Variants in CAMK1D observed in about 807,000 individuals in gnomAD.
The protein encoded by CAMK1D is calcium/calmodulin dependent protein kinase ID.
CAMK1D carries 9 observed loss-of-function variants against 47.7 expected under a neutral mutation model. The ratio of observed to expected loss-of-function variants is 0.19; its 90% CI spans 0.11 to 0.33. CAMK1D has a LOEUF of 0.33. CAMK1D is among the 10% of genes least tolerant of loss of function. The pLI is 1.00. For missense variants in CAMK1D, 291 were observed against 488.7 expected, an observed-to-expected ratio of 0.60 and a Z score of 3.81; for synonymous variants, 184 against 184.9, an observed-to-expected ratio of 0.99 and a Z score of 0.04.
At chr10:12,797,979 C>G (rs1838266000) in intron 6 of CAMK1D, among the ~76,000 whole-genome samples, 1 of 152,112 alleles carries the variant, frequency 6.6e-6, no homozygotes, top group Non-Finnish European at 1.5e-5. Flanking sequence ...GGAAATCGGG[C>G]TTTTAGATGG....
chr10:12,581,138 GT>G (rs1355310022), intron 2 of CAMK1D, among the ~76,000 whole-genome samples: 3 of 152,094 alleles, frequency 2.0e-5, no homozygotes, highest in Non-Finnish European at 4.4e-5. Context: ...AACATACGAT[GT>G]TTGGTTTTCC....
intron 1 of CAMK1D, among the ~76,000 whole-genome samples, chr10:12,350,772 CAG>C (rs1364534563): frequency 6.6e-6 from 1 of 152,220 alleles, no homozygotes; most frequent in East Asian, 1.9e-4. Flanking sequence ...GAAAGAGAAT[CAG>C]GACCTGCCGA....
chr10:12,799,082 G>A (rs187693463), intron 6 of CAMK1D, among the ~76,000 whole-genome samples: 110 of 152,260 alleles, frequency 7.2e-4, no homozygotes, highest in African/African-American at 2.6e-3. Flanking sequence ...GGATTCCATC[G>A]TACACCAGCA....
intron 1 of CAMK1D, among the ~76,000 whole-genome samples, chr10:12,434,761 C>T (rs1023230138): frequency 2.0e-5 from 3 of 152,212 alleles, no homozygotes; most frequent in Non-Finnish European, 4.4e-5. Context: ...CTTCCCAATG[C>T]TGAGTGGTAG....
At chr10:12,374,527 G>T (rs1426223043) in intron 1 of CAMK1D, among the ~76,000 whole-genome samples, 2 of 152,170 alleles carry the variant, frequency 1.3e-5, no homozygotes, top group African/African-American at 4.8e-5. Flanking sequence ...ACTCAAATCT[G>T]ATCTCTGCCA....
rs558917198 is a variant in CAMK1D, at chr10:12,732,299, C to T, written c.300-28649C>T. Among the ~76,000 whole-genome samples the T allele has an allele frequency of 8.4e-4, 128 of 152,140 alleles. 1 individual carries two copies. The Middle Eastern group carries it at 0.021, about 24-fold the overall frequency. On this transcript the variant is annotated intron_variant, in intron 3 of 10. Transcript: ENST00000619168. ...GCTCAGATATGGGCAGGGTCATCTC[C>T]ATGCATGTTGAGGTTTGTAGGTATC...
chr10:12,785,514 G>A (rs1001601542), intron 5 of CAMK1D, among the ~76,000 whole-genome samples: 2 of 152,132 alleles, frequency 1.3e-5, no homozygotes, highest in Admixed American at 1.3e-4. Context: ...GGAAGCTCTC[G>A]GGTATCTCCA....
chr10:12,596,497 A>T (rs1355656961), intron 2 of CAMK1D, among the ~76,000 whole-genome samples: 2 of 152,210 alleles, frequency 1.3e-5, no homozygotes, highest in Non-Finnish European at 2.9e-5. Context: ...TAGGAACCCA[A>T]GGTGCTGGAG....
At chr10:12,355,687 G>C (rs567933611) in intron 1 of CAMK1D, among the ~76,000 whole-genome samples, 1 of 152,256 alleles carries the variant, frequency 6.6e-6, no homozygotes, top group South Asian at 2.1e-4. Flanking sequence ...CCCCGCTGCA[G>C]TCTTCTTTAG....
At position 12,683,214 on chromosome 10, in the gene CAMK1D, G is replaced by A. The variant is rs528155195; in HGVS notation, c.299+16404G>A. Among the ~76,000 whole-genome samples, 8 of 152,038 alleles carry A rather than the reference G, an allele frequency of 5.3e-5. No individual in the cohort carries two copies. The South Asian group carries it at 1.7e-3, about 32-fold the overall frequency. On this transcript the variant is annotated intron_variant, in intron 3 of 10. Coordinates refer to ENST00000619168, the MANE Select transcript of CAMK1D (RefSeq NM_153498.4). ...TGTTTCTCTTGCCTCAGCCTCCCGA[G>A]TAGCTGGGACTACAGGTGCGCACCA...
intron 1 of CAMK1D, among the ~76,000 whole-genome samples, chr10:12,525,285 G>T (rs548287748): frequency 6.6e-6 from 1 of 152,148 alleles, no homozygotes; most frequent in Admixed American, 6.5e-5. Flanking sequence ...TACATGGGAA[G>T]TTTTCAGCCA....
chr10:12,583,677 C>T (rs1837730774), intron 2 of CAMK1D, among the ~76,000 whole-genome samples: 1 of 151,446 alleles, frequency 6.6e-6, no homozygotes, highest in African/African-American at 2.4e-5. Flanking sequence ...TCTCAGCTCA[C>T]TGCAACCTCC....
At chr10:12,819,771 C>T (rs902541465) in intron 8 of CAMK1D, among the ~76,000 whole-genome samples, 5 of 151,964 alleles carry the variant, frequency 3.3e-5, no homozygotes, top group Admixed American at 6.6e-5. Context: ...GGGAGCGTGG[C>T]CAGAGGTGCA....
intron 8 of CAMK1D, among the ~76,000 whole-genome samples, chr10:12,823,271 C>T (rs540400200): frequency 4.6e-5 from 7 of 152,116 alleles, no homozygotes; most frequent in Non-Finnish European, 8.8e-5. Context: ...CAGCCCATAA[C>T]GTTGGTTTCT....
chr10:12,505,859 T>TTCC lies in CAMK1D; in HGVS notation c.93-47344_93-47342dup, dbSNP rs140049789. 5.8e-4 allele frequency among the ~76,000 whole-genome samples: 88 copies of TTCC among 151,472 alleles called. 1 individual carries two copies. Among genetic ancestry groups the TTCC allele is most frequent in the Middle Eastern group, 3.4e-3 (1 of 294 alleles). ...CAATGATTTTCAGACAGCTGTCATC[T>TTCC]TCCTCCTCCTCCTCCTCCTCCTCCC... On this transcript the variant is annotated intron_variant, in intron 1 of 10. Coordinates refer to ENST00000619168, the MANE Select transcript of CAMK1D (RefSeq NM_153498.4).
chr10:12,823,402 G>C (rs1407424903), intron 8 of CAMK1D, among the ~76,000 whole-genome samples: 1 of 152,138 alleles, frequency 6.6e-6, no homozygotes, highest in Non-Finnish European at 1.5e-5. Flanking sequence ...CAAAGCCCAG[G>C]AAAGACTGGG....
chr10:12,472,186 G>A (rs1210589875), intron 1 of CAMK1D, among the ~76,000 whole-genome samples: 3 of 152,094 alleles, frequency 2.0e-5, no homozygotes, highest in Non-Finnish European at 4.4e-5. Context: ...ACTAAGGTGT[G>A]GGGACACGCT....
intron 2 of CAMK1D, among the ~76,000 whole-genome samples, chr10:12,590,095 G>T (rs1430748935): frequency 2.0e-5 from 3 of 152,114 alleles, no homozygotes; most frequent in African/African-American, 7.2e-5. Flanking sequence ...CAGACTATTT[G>T]CCATTTTCTC....
At chr10:12,798,338 G>A (rs1207932339) in intron 6 of CAMK1D, among the ~76,000 whole-genome samples, 1 of 152,248 alleles carries the variant, frequency 6.6e-6, no homozygotes, top group Admixed American at 6.5e-5. Context: ...CAGGCAGTGT[G>A]ATGGGGATGC....
Sources: gnomAD v4.1 joint callset for allele counts (sites outside exome capture counted in the v4.1 genomes callset) on GRCh38, gnomAD v4.1.1 for gene constraint, MANE v1.5 for transcripts, NCBI Gene and HGNC (gene_info 2026-07-23, HGNC 2026-07-21) for gene names.